Variants in IGF2BP3 observed in about 807,000 individuals in gnomAD.
IGF2BP3 encodes the protein insulin-like growth factor 2 mRNA-binding protein 3.
A neutral mutation model predicts 73.8 loss-of-function variants in IGF2BP3; 9 were observed. The observed-to-expected ratio is 0.12, with a 90% CI of 0.07 to 0.21. The LOEUF is 0.21. IGF2BP3 is among the 10% of genes least tolerant of loss of function. IGF2BP3 has a pLI of 1.00. For missense variants in IGF2BP3, 542 were observed against 714.0 expected (o/e 0.76, Z 2.75); for synonymous variants, 258 against 256.7 (o/e 1.01, Z -0.05).
intron 2 of IGF2BP3, among the ~76,000 whole-genome samples, chr7:23,431,554 C>G (rs953739615): frequency 6.6e-6 from 1 of 150,954 alleles, no homozygotes; most frequent in African/African-American, 2.4e-5. Context: ...CAGAGGGTCA[C>G]AGGTACACTA....
At chr7:23,396,154 G>T (rs1255357574) in intron 3 of IGF2BP3, among the ~76,000 whole-genome samples, 5 of 151,470 alleles carry the variant, frequency 3.3e-5, no homozygotes, top group African/African-American at 1.2e-4. Context: ...CCATTGTTCT[G>T]GGTCTTTGAT....
chr7:23,374,882 G>C (rs1395651606), intron 3 of IGF2BP3, among the ~76,000 whole-genome samples: 4 of 152,026 alleles, frequency 2.6e-5, no homozygotes, highest in Admixed American at 2.0e-4. Flanking sequence ...ATGTCGGCAG[G>C]TTCCGTGATA....
intron 10 of IGF2BP3, among the ~76,000 whole-genome samples, chr7:23,331,000 T>G (rs533486364): frequency 1.3e-5 from 2 of 152,284 alleles, no homozygotes; most frequent in East Asian, 3.9e-4. Flanking sequence ...GGTTTTACCA[T>G]GTTGGCCAGG....
chr7:23,381,720 C>T (rs1785914734), intron 3 of IGF2BP3, among the ~76,000 whole-genome samples: 1 of 151,992 alleles, frequency 6.6e-6, no homozygotes, highest in African/African-American at 2.4e-5. Context: ...AGGCACGTAC[C>T]ACCACGCCCA....
rs565931790 is a variant in IGF2BP3 at position 23,452,374 on chromosome 7, A to G, written c.236+16108T>C. Among the ~76,000 whole-genome samples, 3 of 152,348 alleles carry G rather than the reference A, an allele frequency of 2.0e-5. No homozygotes were observed. The East Asian group carries it at 5.8e-4, about 29-fold the overall frequency. On this transcript the variant is annotated intron_variant, in intron 2 of 14. Coordinates refer to ENST00000258729, the MANE Select transcript of IGF2BP3 (RefSeq NM_006547.3). The stretch of plus-strand genomic sequence containing the variant: ...ATTTTTAACTATTAAACAATATGGA[A>G]AAAACACATGTCTTTTTGCCAAGTA...
chr7:23,336,484 A>T (rs748360085), intron 10 of IGF2BP3, among the ~76,000 whole-genome samples: 1 of 151,966 alleles, frequency 6.6e-6, no homozygotes, highest in Non-Finnish European at 1.5e-5. Flanking sequence ...ACCCTCACAA[A>T]CATAAAACAG....
At chr7:23,400,752 T>G (rs906221247) in intron 3 of IGF2BP3, among the ~76,000 whole-genome samples, 2 of 152,190 alleles carry the variant, frequency 1.3e-5, no homozygotes, top group African/African-American at 4.8e-5. Flanking sequence ...GTGTAATGAC[T>G]GTGTATAAAA....
At chr7:23,361,052 A>G (rs1009433935) in intron 5 of IGF2BP3, among the ~76,000 whole-genome samples, 23 of 152,220 alleles carry the variant, frequency 1.5e-4, no homozygotes, top group African/African-American at 5.3e-4. Flanking sequence ...TAAATCTAAG[A>G]GCAAATTACA....
At chr7:23,381,797 G>A (rs912780703) in intron 3 of IGF2BP3, among the ~76,000 whole-genome samples, 2 of 152,112 alleles carry the variant, frequency 1.3e-5, no homozygotes, top group Admixed American at 1.3e-4. Context: ...TCGAACTCCA[G>A]ACTTCAAATG....
chr7:23,411,070 G>A (rs150648042), intron 3 of IGF2BP3, among the ~76,000 whole-genome samples: 1 of 152,216 alleles, frequency 6.6e-6, no homozygotes, highest in East Asian at 1.9e-4. Flanking sequence ...GGCACCTACC[G>A]AGAACATGCA....
At position 23,433,484 on chromosome 7, in the gene IGF2BP3, T is replaced by G. The variant is rs543891996; in HGVS notation, c.237-14660A>C. Among the ~76,000 whole-genome samples the G allele has an allele frequency of 6.4e-4, 96 of 150,932 alleles. 1 individual carries two copies. The South Asian group carries it at 0.019, about 30-fold the overall frequency. Reference sequence around the variant, plus strand: ...GATATATTAGGTTGTATATAATAACTAATTTTTTTTTTTTTTTTGAGACAG... The same window carrying G: ...GATATATTAGGTTGTATATAATAACGAATTTTTTTTTTTTTTTTGAGACAG... On this transcript the variant is annotated intron_variant, in intron 2 of 14. Coordinates refer to ENST00000258729, the MANE Select transcript of IGF2BP3 (RefSeq NM_006547.3).
intron 10 of IGF2BP3, among the ~76,000 whole-genome samples, chr7:23,332,874 T>A (rs1784477872): frequency 6.6e-6 from 1 of 152,186 alleles, no homozygotes. Flanking sequence ...TTAAAAAAAA[T>A]TAAGGGTGGG....
At chr7:23,442,498 A>G (rs1281106877) in intron 2 of IGF2BP3, among the ~76,000 whole-genome samples, 1 of 152,074 alleles carries the variant, frequency 6.6e-6, no homozygotes, top group Non-Finnish European at 1.5e-5. Context: ...CCCGGGTTCA[A>G]GCAATCCTCC....
chr7:23,358,700 C>G (rs186505873), intron 5 of IGF2BP3, among the ~76,000 whole-genome samples: 4 of 152,314 alleles, frequency 2.6e-5, no homozygotes, highest in Admixed American at 2.6e-4. Context: ...TAATTCTCCT[C>G]ACAGAATGAA....
At chr7:23,380,768 C>A (rs1053163384) in intron 3 of IGF2BP3, among the ~76,000 whole-genome samples, 13 of 152,282 alleles carry the variant, frequency 8.5e-5, no homozygotes, top group Admixed American at 5.2e-4. Context: ...GAGAACACAA[C>A]GTGACTACAA....
intron 2 of IGF2BP3, among the ~76,000 whole-genome samples, chr7:23,464,918 T>C (rs1296759631): frequency 6.6e-6 from 1 of 152,064 alleles, no homozygotes; most frequent in African/African-American, 2.4e-5. Context: ...CTTCATCACA[T>C]AGGAGGCAGC....
chr7:23,468,891 C>T (rs928396078), intron 1 of IGF2BP3, among the ~76,000 whole-genome samples: 3 of 152,208 alleles, frequency 2.0e-5, no homozygotes, highest in African/African-American at 4.8e-5. Flanking sequence ...AGGGCAGACT[C>T]GGGGCAGGGG....
intron 2 of IGF2BP3, among the ~76,000 whole-genome samples, chr7:23,447,011 T>G (rs971034855): frequency 6.6e-6 from 1 of 152,008 alleles, no homozygotes; most frequent in Non-Finnish European, 1.5e-5. Context: ...AAGCCCAGCC[T>G]GCCCAACATG....
chr7:23,428,876 A>G (rs1272002240), intron 2 of IGF2BP3, among the ~76,000 whole-genome samples: 1 of 152,118 alleles, frequency 6.6e-6, no homozygotes, highest in African/African-American at 2.4e-5. Flanking sequence ...GCTTGTATCA[A>G]TCTTTTTTGA....
Sources: allele counts gnomAD v4.1 joint callset (sites outside exome capture counted in the v4.1 genomes callset), GRCh38; gene constraint gnomAD v4.1.1; transcripts MANE v1.5; gene names NCBI Gene and HGNC (gene_info 2026-07-23, HGNC 2026-07-21).